Variants in RBFOX1 observed in about 807,000 individuals in gnomAD.
The protein encoded by RBFOX1 is RNA binding protein fox-1 homolog 1.
RBFOX1 carries 8 observed loss-of-function variants against 57.7 expected under a neutral mutation model. That is an observed-to-expected ratio of 0.14 (90% CI 0.08 to 0.25). The LOEUF is 0.25. Ranked by LOEUF, RBFOX1 falls within the 10% of genes least tolerant of loss-of-function variation. The probability of loss-of-function intolerance (pLI) is 1.00; values close to 1 mark genes in which losing one functional copy is unlikely to be tolerated. For synonymous variants in RBFOX1, 326 were observed against 222.4 expected, an observed-to-expected ratio of 1.47 and a Z score of -4.15; for missense variants, 611 against 548.5, an observed-to-expected ratio of 1.11 and a Z score of -1.14.
At chr16:5,819,210 C>G (rs1184244201) in intron 3 of RBFOX1, among the ~76,000 whole-genome samples, 2 of 152,168 alleles carry the variant, frequency 1.3e-5, no homozygotes, top group African/African-American at 4.8e-5. Flanking sequence ...GCTAAGGGCC[C>G]ACTTCCTAGA....
At chr16:7,708,861 C>A (rs1019724425) in intron 14 of RBFOX1, among the ~76,000 whole-genome samples, 195 bp from the exon 15 acceptor site, 9 of 151,956 alleles carry the variant, frequency 5.9e-5, no homozygotes, top group Non-Finnish European at 1.2e-4. Flanking sequence ...ATAGCAATAG[C>A]AACCATGTTA....
chr16:6,194,619 G>C (rs934540858), intron 1 of RBFOX1, among the ~76,000 whole-genome samples: 1 of 152,006 alleles, frequency 6.6e-6, no homozygotes, highest in South Asian at 2.1e-4. Context: ...TCTAACTCTC[G>C]ATTCAGAGGC....
chr16:5,984,413 G>C (rs1596344167), intron 4 of RBFOX1, among the ~76,000 whole-genome samples: 1 of 151,618 alleles, frequency 6.6e-6, no homozygotes, highest in East Asian at 2.0e-4. Context: ...AAAACTGCAG[G>C]GAGAAGAGGA....
intron 4 of RBFOX1, among the ~76,000 whole-genome samples, chr16:7,181,509 C>T (rs1202873798): frequency 6.6e-6 from 1 of 151,060 alleles, no homozygotes; most frequent in Non-Finnish European, 1.5e-5. Flanking sequence ...CTTCCTTCTT[C>T]CCTCCCTCCC....
intron 1 of RBFOX1, among the ~76,000 whole-genome samples, chr16:6,211,119 A>T (rs1303881258): frequency 2.5e-5 from 3 of 120,736 alleles, no homozygotes; most frequent in Non-Finnish European, 5.9e-5. Context: ...GATGTGGCCT[A>T]ACGGCAGACT....
At chr16:5,453,217 G>A (rs1321692549) in intron 1 of RBFOX1, among the ~76,000 whole-genome samples, 1 of 152,120 alleles carries the variant, frequency 6.6e-6, no homozygotes, top group Non-Finnish European at 1.5e-5. Context: ...TTTATAGTGA[G>A]GAAACAGACA....
chr16:6,681,810 C>G (rs1231839822), intron 3 of RBFOX1, among the ~76,000 whole-genome samples: 1 of 152,152 alleles, frequency 6.6e-6, no homozygotes, highest in Non-Finnish European at 1.5e-5. Flanking sequence ...AATAGCTACC[C>G]TTTCTTTTCA....
chr16:7,456,085 T>G (rs2058457030), intron 4 of RBFOX1, among the ~76,000 whole-genome samples: 1 of 152,208 alleles, frequency 6.6e-6, no homozygotes, highest in Non-Finnish European at 1.5e-5. Flanking sequence ...CTGGAATTCT[T>G]AATGATTTTT....
Position 5,673,420 on chromosome 16 carries a change from G to A in RBFOX1, c.318+74459G>A, listed in dbSNP as rs117312220. ...AGAGGGAACCCATCCTGAAGGCTCT[G>A]TCCAGAACTACTTCTGTGGATTTCC... On this transcript the variant is annotated intron_variant, in intron 3 of 19. Transcript: ENST00000641259. Among the ~76,000 whole-genome samples the A allele has an allele frequency of 2.6e-5, 4 of 151,620 alleles. No homozygotes were observed. The East Asian group carries it at 7.7e-4, about 29-fold the overall frequency.
intron 2 of RBFOX1, among the ~76,000 whole-genome samples, chr16:5,484,958 C>A (rs2069674648): frequency 6.6e-6 from 1 of 151,822 alleles, no homozygotes; most frequent in African/African-American, 2.4e-5. Context: ...ACTTGGGAGT[C>A]TGAAGCAAGA....
intron 3 of RBFOX1, among the ~76,000 whole-genome samples, chr16:7,026,298 C>A (rs1211684967): frequency 6.6e-6 from 1 of 152,136 alleles, no homozygotes; most frequent in Non-Finnish European, 1.5e-5. Context: ...TGCCACCAGG[C>A]CATGTTTAAT....
At chr16:5,761,748 C>G (rs554810298) in intron 3 of RBFOX1, among the ~76,000 whole-genome samples, 1 of 152,166 alleles carries the variant, frequency 6.6e-6, no homozygotes, top group African/African-American at 2.4e-5. Context: ...ACAGCAAACT[C>G]TATCAGGCTC....
chr16:7,501,715 C>T (rs925813812), intron 4 of RBFOX1, among the ~76,000 whole-genome samples: 1 of 152,210 alleles, frequency 6.6e-6, no homozygotes, highest in African/African-American at 2.4e-5. Context: ...TATCCTACCA[C>T]CTGGCTGCTT....
intron 2 of RBFOX1, among the ~76,000 whole-genome samples, chr16:5,555,763 T>C (rs1241774385): frequency 6.6e-6 from 1 of 151,408 alleles, no homozygotes; most frequent in African/African-American, 2.4e-5. Flanking sequence ...GGCTCATGCC[T>C]GTAATCCCAG....
chr16:7,415,239 G>A (rs34461529), intron 4 of RBFOX1, among the ~76,000 whole-genome samples: 1 of 152,280 alleles, frequency 6.6e-6, no homozygotes, highest in African/African-American at 2.4e-5. Flanking sequence ...GGGGTATTAA[G>A]GTTTTCTCAG....
intron 1 of RBFOX1, among the ~76,000 whole-genome samples, chr16:6,178,516 C>G (rs922373260): frequency 6.6e-6 from 1 of 152,068 alleles, no homozygotes; most frequent in African/African-American, 2.4e-5. Flanking sequence ...AAATTATTTA[C>G]TAAGCATTTC....
intron 3 of RBFOX1, among the ~76,000 whole-genome samples, chr16:6,974,979 G>C (rs1369567918): frequency 2.0e-5 from 3 of 152,168 alleles, no homozygotes; most frequent in Non-Finnish European, 4.4e-5. Context: ...CTCTGCTTCT[G>C]CTTCTAATTC....
intron 5 of RBFOX1, among the ~76,000 whole-genome samples, chr16:7,536,079 C>T (rs1347141173): frequency 6.6e-6 from 1 of 152,164 alleles, no homozygotes; most frequent in Admixed American, 6.5e-5. Context: ...TCTGTATCCA[C>T]CAGGTTCGAC....
chr16:7,172,185 A>G (rs967681993), intron 4 of RBFOX1, among the ~76,000 whole-genome samples: 2 of 152,200 alleles, frequency 1.3e-5, no homozygotes, highest in Non-Finnish European at 2.9e-5. Flanking sequence ...GTGCATTGGA[A>G]TGAGCCAATA....
Sources: gnomAD v4.1 joint callset for allele counts (sites outside exome capture counted in the v4.1 genomes callset) on GRCh38, gnomAD v4.1.1 for gene constraint, MANE v1.5 for transcripts, NCBI Gene and HGNC (gene_info 2026-07-23, HGNC 2026-07-21) for gene names.